LRRC49: variants seen among roughly 807,000 people sequenced by gnomAD.
The protein encoded by LRRC49 is leucine-rich repeat-containing protein 49.
Under a neutral mutation model 83.3 loss-of-function variants are expected in LRRC49, and 50 were observed. The observed-to-expected ratio is 0.60, with a 90% confidence interval of 0.48 to 0.76. The LOEUF is 0.76. Ranked by LOEUF, LRRC49 falls within the 30% of genes least tolerant of loss-of-function variation. The pLI, the probability that LRRC49 is intolerant of heterozygous loss-of-function variation, is 0.00. For missense variants in LRRC49, 704 were observed against 809.1 expected (o/e 0.87, Z 1.58); for synonymous variants, 286 against 283.3 (o/e 1.01, Z -0.10).
intron 8 of LRRC49, among the ~76,000 whole-genome samples, chr15:70,950,641 T>C (rs1173074952): frequency 6.6e-6 from 1 of 152,226 alleles, no homozygotes; most frequent in African/African-American, 2.4e-5. Context: ...TCAAGTTTTT[T>C]ATAAATTCTG....
intron 4 of LRRC49, among the ~76,000 whole-genome samples, chr15:70,903,240 T>C (rs2034160382): frequency 6.6e-6 from 1 of 151,934 alleles, no homozygotes; most frequent in African/African-American, 2.4e-5. Context: ...TTTATTAATT[T>C]ATAATTTATA....
chr15:70,949,289 A>G (rs999744357), intron 8 of LRRC49, among the ~76,000 whole-genome samples: 1 of 152,160 alleles, frequency 6.6e-6, no homozygotes, highest in Non-Finnish European at 1.5e-5. Context: ...CCACATTTAC[A>G]ATGGTGGTTA....
intron 7 of LRRC49, among the ~76,000 whole-genome samples, chr15:70,933,935 C>T (rs1450623767): frequency 1.3e-5 from 2 of 152,112 alleles, no homozygotes; most frequent in African/African-American, 4.8e-5. Flanking sequence ...TCCAAACTCT[C>T]CAACAAAACC....
chr15:71,015,467 A>G (rs1326267167), intron 14 of LRRC49, among the ~76,000 whole-genome samples: 1 of 152,160 alleles, frequency 6.6e-6, no homozygotes, highest in East Asian at 1.9e-4. Context: ...TCCTATGAGA[A>G]TCTAACGCCA....
In LRRC49 at chr15:71,049,603, C is replaced by A. The variant is rs753271126; in HGVS notation, c.2052C>A (p.Asp684Glu). The part of the protein sequence containing the change: ...YMKLCLQQIT[D>E]QK ...AGCTCTGCCTACAGCAGATAACAGA[C>A]CAAAAATAAAAATGGCCTTTAGTTA... Residue 684 changes from aspartate (D) to glutamate (E), a missense_variant, in exon 16 of 16, where the codon GAC (aspartate) becomes GAA (glutamate). Coordinates refer to ENST00000260382, the MANE Select transcript of LRRC49 (RefSeq NM_017691.5). The A allele has an allele frequency of 1.3e-6, 2 of 1,592,248 alleles. No homozygotes were observed. Among genetic ancestry groups the A allele is most frequent in the East Asian group, 2.2e-5 (1 of 44,738 alleles).
chr15:70,996,501 C>CT (rs1053001535), intron 11 of LRRC49, among the ~76,000 whole-genome samples: 2 of 151,862 alleles, frequency 1.3e-5, no homozygotes, highest in African/African-American at 2.4e-5. Context: ...GCTACTCTCT[C>CT]TTTTTTTTAA....
At chr15:70,915,860 T>C (rs1279896688) in intron 6 of LRRC49, among the ~76,000 whole-genome samples, 1 of 152,182 alleles carries the variant, frequency 6.6e-6, no homozygotes, top group African/African-American at 2.4e-5. Context: ...TTATATATTA[T>C]TGAATTTATA....
chr15:70,858,744 A>G (rs766019401), intron 1 of LRRC49: 55 of 1,145,848 alleles, frequency 4.8e-5, no homozygotes, highest in Admixed American at 8.5e-5. Context: ...AAGTCCTACA[A>G]GATGTCCACC....
chr15:70,998,890 C>T (rs1397447860), intron 11 of LRRC49, among the ~76,000 whole-genome samples: 1 of 152,012 alleles, frequency 6.6e-6, no homozygotes, highest in East Asian at 1.9e-4. Context: ...TTTATTTAAC[C>T]TCACTCCTCA....
chr15:71,038,185 C>T (rs181749474), intron 15 of LRRC49, among the ~76,000 whole-genome samples: 4 of 152,124 alleles, frequency 2.6e-5, no homozygotes, highest in South Asian at 2.1e-4. Flanking sequence ...ACAGGTTATA[C>T]GATTGATATA....
chr15:70,885,388 C>T (rs562831472), intron 2 of LRRC49, among the ~76,000 whole-genome samples: 1 of 152,236 alleles, frequency 6.6e-6, no homozygotes, highest in South Asian at 2.1e-4. Context: ...GTACTATAAA[C>T]CCTTTCTATT....
intron 5 of LRRC49, among the ~76,000 whole-genome samples, chr15:70,910,408 A>G (rs1450316732): frequency 1.3e-5 from 2 of 152,136 alleles, no homozygotes; most frequent in African/African-American, 4.8e-5. Context: ...CTATATATAG[A>G]TAACATGTAT....
intron 1 of LRRC49, among the ~76,000 whole-genome samples, chr15:70,868,026 C>T (rs1476659410): frequency 1.4e-5 from 2 of 142,006 alleles, no homozygotes; most frequent in African/African-American, 2.7e-5. Flanking sequence ...TTTTCCTTCT[C>T]TTTGGCTTGA....
chr15:70,973,904 G>A (rs1414693739), intron 9 of LRRC49, among the ~76,000 whole-genome samples: 1 of 152,000 alleles, frequency 6.6e-6, no homozygotes, highest in African/African-American at 2.4e-5. Flanking sequence ...TGAGGTGGGC[G>A]GATCACAAGG....
At position 70,903,569 on chromosome 15, in the gene LRRC49, T is replaced by G. The variant is rs192825090; in HGVS notation, c.297-983T>G. The stretch of plus-strand genomic sequence containing the variant: ...TTTATCAGGAAGATTCTGATCACTG[T>G]CATAGTTTCACTTATGCTAGTAACA... On this transcript the variant is annotated intron_variant, in intron 4 of 15. Transcript: ENST00000260382. Among the ~76,000 whole-genome samples, 275 of 152,278 alleles carry G rather than the reference T, an allele frequency of 1.8e-3. 2 individuals are homozygous for G. Among genetic ancestry groups the G allele is most frequent in the African/African-American group, 6.5e-3 (271 of 41,572 alleles).
intron 3 of LRRC49, among the ~76,000 whole-genome samples, chr15:70,898,819 C>T (rs1470007633): frequency 1.3e-5 from 2 of 152,102 alleles, no homozygotes; most frequent in South Asian, 2.1e-4. Flanking sequence ...TAAACAGTAA[C>T]AAACTGTTAT....
chr15:70,987,287 C>T (rs1329907305), intron 11 of LRRC49, among the ~76,000 whole-genome samples: 3 of 152,126 alleles, frequency 2.0e-5, no homozygotes, highest in African/African-American at 7.2e-5. Context: ...GGTTGGTAAG[C>T]TATTGATTAT....
intron 2 of LRRC49, chr15:70,894,523 T>G: frequency 1.5e-5 from 11 of 714,042 alleles, no homozygotes; most frequent in East Asian, 1.4e-4. Context: ...ATTTAATTTT[T>G]GAGATTTTGA....
At chr15:70,973,182 T>C (rs1408573164) in intron 9 of LRRC49, among the ~76,000 whole-genome samples, 1 of 152,180 alleles carries the variant, frequency 6.6e-6, no homozygotes, top group Non-Finnish European at 1.5e-5. Context: ...TAGTTATCCT[T>C]TTTGTTGATG....
Sources: allele counts gnomAD v4.1 joint callset (sites outside exome capture counted in the v4.1 genomes callset), GRCh38; gene constraint gnomAD v4.1.1; transcripts MANE v1.5; gene names NCBI Gene and HGNC (gene_info 2026-07-23, HGNC 2026-07-21).